The following MRGPRX1 variants were observed in gnomAD, a reference collection of about 807,000 sequenced individuals.
MRGPRX1 encodes the protein mas-related G protein-coupled receptor member X1.
For synonymous variants in MRGPRX1, 208 were observed against 170.4 expected (o/e 1.22, Z -1.72); for missense variants, 411 against 393.8 (o/e 1.04, Z -0.37).
Position 18,934,427 on chromosome 11 carries a change from G to T in MRGPRX1, c.358C>A (p.Arg120Ser), listed in dbSNP as rs375674274. The T allele has an allele frequency of 1.9e-6, 3 of 1,610,644 alleles. No homozygotes were observed. The highest frequency in any genetic ancestry group is 2.2e-5 in the East Asian group (1 of 44,804). ...LSFLSAVSTE[R>S]CLSVLWPIWY... ...ATGGGCCACAGGACGGACAGGCAGCGCTCGGTGCTCACGGCACTCAGAAAG... is the reference window on the plus strand; with the variant it reads ...ATGGGCCACAGGACGGACAGGCAGCTCTCGGTGCTCACGGCACTCAGAAAG... The change falls in exon 2 of 2, where the codon CGC becomes AGC. Residue 120 changes from arginine to serine, a missense_variant. By Grantham distance (110) the Arg-to-Ser change is moderately radical (BLOSUM62 -1). Transcript: ENST00000526914.
chr11:18,934,033 C>G lies in MRGPRX1; in HGVS notation c.752G>C (p.Cys251Ser). The G allele has an allele frequency of 1.2e-6, 2 of 1,610,842 alleles. No individual in the cohort carries two copies. Among genetic ancestry groups the G allele is most frequent in the South Asian group, 1.1e-5 (1 of 90,786 alleles). The change falls in exon 2 of 2, where the codon TGT (cysteine) becomes TCT (serine). Residue 251 changes from cysteine (C) to serine (S), a missense_variant. Cys to Ser is a moderately radical substitution (Grantham distance 112). Coordinates refer to ENST00000526914, the MANE Select transcript of MRGPRX1 (RefSeq NM_001393578.1). ...WIHVDREVLF[C>S]HVHLVSIFLS... Reference sequence around the variant, plus strand: ...GAAAATAGAAACTAGATGAACATGACAAAATAAGACTTCCCTGTCCACGTG... The same window carrying G: ...GAAAATAGAAACTAGATGAACATGAGAAAATAAGACTTCCCTGTCCACGTG...
intron 1 of MRGPRX1, among the ~76,000 whole-genome samples, chr11:18,937,050 G>C (rs1203978295): frequency 4.6e-5 from 7 of 151,460 alleles, no homozygotes. Flanking sequence ...TAAAAATTCT[G>C]AGAGTTTAAA....
rs996067502 is a variant in MRGPRX1 at position 18,936,449 on chromosome 11, G to A, written c.-25-1640C>T. 5.9e-5 allele frequency among the ~76,000 whole-genome samples: 9 copies of A among 151,414 alleles called. No individual in the cohort carries two copies. In the South Asian group the frequency reaches 1.3e-3, roughly 21 times the overall value. ...GAGGCCACCTTTGCTCTGGAATCCCGAGAATGCACAGGGACAGGAGGCCTC... is the reference window on the plus strand; with the variant it reads ...GAGGCCACCTTTGCTCTGGAATCCCAAGAATGCACAGGGACAGGAGGCCTC... On this transcript the variant is annotated intron_variant, in intron 1 of 1. Coordinates refer to ENST00000526914, the MANE Select transcript of MRGPRX1 (RefSeq NM_001393578.1).
intron 1 of MRGPRX1, among the ~76,000 whole-genome samples, chr11:18,938,872 C>A (rs1848860911): frequency 6.6e-6 from 1 of 151,462 alleles, no homozygotes; most frequent in South Asian, 2.1e-4. Context: ...CAGTTTGGAC[C>A]ACCTATTTCT....
chr11:18,937,466 T>C (rs952749614), intron 1 of MRGPRX1, among the ~76,000 whole-genome samples: 5 of 151,564 alleles, frequency 3.3e-5, no homozygotes, highest in African/African-American at 1.2e-4. Flanking sequence ...TAAAATGATG[T>C]GATAGTTGTA....
rs1848822365 is a variant in MRGPRX1 at position 18,934,535 on chromosome 11, G to A, written c.250C>T (p.Leu84=). The A allele has an allele frequency of 1.9e-6, 3 of 1,610,276 alleles. No homozygotes were observed. Among genetic ancestry groups the A allele is most frequent in the South Asian group, 1.1e-5 (1 of 90,700 alleles). The part of the protein sequence containing the change: ...LFLSGRLIYS[L]LSFISIPHTI... Reference sequence around the variant, plus strand: ...TGGGGGATACTGATGAAGCTTAACAGGGAATATATAAGGCGGCCGCTGAGG... The same window carrying A: ...TGGGGGATACTGATGAAGCTTAACAAGGAATATATAAGGCGGCCGCTGAGG... The change falls in exon 2 of 2, where the codon CTG becomes TTG. Residue 84 remains leucine, a synonymous_variant. Coordinates refer to ENST00000526914, the MANE Select transcript of MRGPRX1 (RefSeq NM_001393578.1).
rs1374433544 is a variant in MRGPRX1, at chr11:18,934,178, G to A, written c.607C>T (p.Leu203Phe). Residue 203 changes from leucine to phenylalanine, a missense_variant, in exon 2 of 2, where the codon CTC becomes TTC. By Grantham distance (22) the Leu-to-Phe change is conservative. Transcript: ENST00000526914. ...AGCGGTATCTTCCGGGATCCACAGA[G>A]AATCCTGATCAGCAGGACCAGGCTG... is the stretch of plus-strand genomic sequence containing the variant. ...GSSLVLLIRI[L>F]CGSRKIPLTR... The A allele has an allele frequency of 7.5e-6, 12 of 1,610,682 alleles. No homozygotes were observed. The South Asian group carries it at 1.2e-4, about 16-fold the overall frequency.
At position 18,939,280 on chromosome 11, in the gene MRGPRX1, C is replaced by A. The variant is rs562148610; in HGVS notation, c.-26G>T. On this transcript the variant is annotated splice_region_variant and 5_prime_UTR_variant, in exon 1 of 2. Transcript: ENST00000526914. ...GAAGAAGACAAATCTTGGTACTTACCCTTATCTTTTTCTCCTTTGTCCAGT... is the reference window on the plus strand; with the variant it reads ...GAAGAAGACAAATCTTGGTACTTACACTTATCTTTTTCTCCTTTGTCCAGT... 1.3e-5 allele frequency: 2 copies of A among 151,620 alleles called. No homozygotes were observed. The highest frequency in any genetic ancestry group is 4.8e-5 in the African/African-American group (2 of 41,296). 9.4% of individuals were successfully genotyped at this position (151,620 alleles called of 1,614,324 possible).
chr11:18,934,298 A>G lies in MRGPRX1; in HGVS notation c.487T>C (p.Phe163Leu), dbSNP rs1848818296. ...GCAGAATCAGCACCACTGAACAGGAAGCCACATAACATCCACTCCAGGATG... is the reference window on the plus strand; with the variant it reads ...GCAGAATCAGCACCACTGAACAGGAGGCCACATAACATCCACTCCAGGATG... ...RSILEWMLCG[F>L]LFSGADSAWC... Residue 163 changes from phenylalanine (F) to leucine (L), a missense_variant, in exon 2 of 2, where the codon TTC becomes CTC. Physicochemically the swap from Phe to Leu is conservative, Grantham distance 22. Coordinates refer to ENST00000526914, the MANE Select transcript of MRGPRX1 (RefSeq NM_001393578.1). The G allele has an allele frequency of 2.5e-6, 4 of 1,610,622 alleles. 1 individual carries two copies. The highest frequency in any genetic ancestry group is 1.7e-5 in the Admixed American group (1 of 59,368).
At chr11:18,934,987 C>G in intron 1 of MRGPRX1, 178 bp from the exon 2 acceptor site, 1 of 644,094 alleles carries the variant, frequency 1.6e-6, no homozygotes, top group African/African-American at 1.8e-5. Context: ...TTCTTGCTGA[C>G]TCTGAAGCCT....
intron 1 of MRGPRX1, among the ~76,000 whole-genome samples, chr11:18,937,285 G>A (rs1403452011): frequency 6.6e-6 from 1 of 151,188 alleles, no homozygotes; most frequent in African/African-American, 2.4e-5. Flanking sequence ...AACTCTCTAG[G>A]GACTCGAGAG....
intron 1 of MRGPRX1, among the ~76,000 whole-genome samples, chr11:18,938,223 C>A (rs1277752172): frequency 2.0e-5 from 3 of 151,502 alleles, no homozygotes; most frequent in Non-Finnish European, 4.4e-5. Context: ...TGAATTGCTA[C>A]AAAGAAATAC....
Position 18,935,982 on chromosome 11 carries a change from C to A in MRGPRX1, c.-25-1173G>T, listed in dbSNP as rs1250070687. Among the ~76,000 whole-genome samples, 6 of 151,420 alleles carry A rather than the reference C, an allele frequency of 4.0e-5. No individual in the cohort carries two copies. The Admixed American group carries it at 4.0e-4, about 10-fold the overall frequency. ...TTCAACTGGAGAATGAGGACTGGGT[C>A]TAATCTGGGAGAATAAGAGCAGCTG... On this transcript the variant is annotated intron_variant, in intron 1 of 1. Coordinates refer to ENST00000526914, the MANE Select transcript of MRGPRX1 (RefSeq NM_001393578.1).
In MRGPRX1 at chr11:18,934,526, A is replaced by G; in HGVS notation, c.259T>C (p.Phe87Leu). The change falls in exon 2 of 2, where the codon TTC becomes CTC. Residue 87 changes from phenylalanine to leucine, a missense_variant. By Grantham distance (22) the Phe-to-Leu change is conservative (BLOSUM62 0). Coordinates refer to ENST00000526914, the MANE Select transcript of MRGPRX1 (RefSeq NM_001393578.1). ...SGRLIYSLLS[F>L]ISIPHTISKI... ...GAGATGGTATGGGGGATACTGATGA[A>G]GCTTAACAGGGAATATATAAGGCGG... The G allele has an allele frequency of 6.2e-7, 1 of 1,610,502 alleles. No homozygotes were observed. The highest frequency in any genetic ancestry group is 1.3e-5 in the African/African-American group (1 of 74,842).
intron 1 of MRGPRX1, among the ~76,000 whole-genome samples, chr11:18,936,121 A>T (rs1564974243): frequency 1.3e-5 from 2 of 151,428 alleles, no homozygotes; most frequent in Admixed American, 6.6e-5. Flanking sequence ...AGAGTGAATT[A>T]TTCATTCTGG....
At chr11:18,937,832 A>G (rs991400041) in intron 1 of MRGPRX1, among the ~76,000 whole-genome samples, 1 of 151,528 alleles carries the variant, frequency 6.6e-6, no homozygotes, top group Non-Finnish European at 1.5e-5. Context: ...TTTATTTTCT[A>G]TGCATTTTGG....
chr11:18,937,469 T>C (rs1216416262), intron 1 of MRGPRX1, among the ~76,000 whole-genome samples: 4 of 151,566 alleles, frequency 2.6e-5, no homozygotes, highest in Non-Finnish European at 5.9e-5. Context: ...AATGATGTGA[T>C]AGTTGTACAA....
In MRGPRX1 at chr11:18,935,693, A is replaced by C. The variant is rs530830376; in HGVS notation, c.-25-884T>G. 4.9e-4 allele frequency among the ~76,000 whole-genome samples: 74 copies of C among 151,522 alleles called. 4 individuals are homozygous for C. The highest frequency in any genetic ancestry group is 8.6e-4 in the Admixed American group (13 of 15,102). ...TTGGGTAGGGTGTGGGTCTGAGCTG[A>C]ATTGCTCAGCAATAGAACAGAGGAA... On this transcript the variant is annotated intron_variant, in intron 1 of 1. Transcript: ENST00000526914.
rs576305559 is a variant in MRGPRX1, at chr11:18,933,725, G to A, written c.*91C>T. The stretch of plus-strand genomic sequence containing the variant: ...TGAGGAACCACTGAGACATTTCTGA[G>A]GCAGAAGGCTAAGAAAAACGCATAT... On this transcript the variant is annotated 3_prime_UTR_variant, in exon 2 of 2. Transcript: ENST00000526914. 3 of 1,505,136 alleles carry A rather than the reference G, an allele frequency of 2.0e-6. No individual in the cohort carries two copies. Among genetic ancestry groups the A allele is most frequent in the Admixed American group, 2.3e-5 (1 of 44,158 alleles). The allele number at this position is 1,505,136 out of a possible 1,614,324, so 93.2% of individuals were successfully genotyped here. A position where few individuals can be genotyped will look rare whatever the true frequency, so the allele number is the denominator to read the frequency against.
Sources: gnomAD v4.1 joint callset for allele counts (sites outside exome capture counted in the v4.1 genomes callset) on GRCh38, gnomAD v4.1.1 for gene constraint, MANE v1.5 for transcripts, NCBI Gene and HGNC (gene_info 2026-07-23, HGNC 2026-07-21) for gene names.